CDC42BPG: variants seen among roughly 807,000 people sequenced by gnomAD.
CDC42BPG encodes the protein serine/threonine-protein kinase MRCK gamma.
Under a neutral mutation model 192.2 loss-of-function variants are expected in CDC42BPG, and 157 were observed. That is an observed-to-expected ratio of 0.82 (90% confidence interval 0.72 to 0.93). The LOEUF is 0.93. CDC42BPG is among the 40% of genes least tolerant of loss of function. The probability of loss-of-function intolerance (pLI) is 0.00; values close to 1 mark genes in which losing one functional copy is unlikely to be tolerated. For missense variants in CDC42BPG, 1,992 were observed against 2,122.1 expected (o/e 0.94, Z 1.20); for synonymous variants, 981 against 918.5 (o/e 1.07, Z -1.23).
chr11:64,839,333 C>A lies in CDC42BPG; in HGVS notation c.676-100G>T, dbSNP rs1025497032. ...TGTCACCCCTACTCTGCCAGGCTGG[C>A]CTGCTGCTGCCCACCTGGGGCCTGG... On this transcript the variant is annotated intron_variant, in intron 6 of 36. Coordinates refer to ENST00000342711, the MANE Select transcript of CDC42BPG (RefSeq NM_017525.3). 6.5e-6 allele frequency: 10 copies of A among 1,532,252 alleles called. No homozygotes were observed. In the African/African-American group the frequency reaches 6.8e-5, roughly 10 times the overall value. 94.9% of individuals were successfully genotyped at this position (1,532,252 alleles called of 1,614,324 possible). A position where few individuals can be genotyped will look rare whatever the true frequency, so the allele number is the denominator to read the frequency against.
At chr11:64,835,452 C>A (rs138968644) in intron 15 of CDC42BPG, 33 bp from the exon 16 acceptor site, 1 of 1,612,192 alleles carries the variant, frequency 6.2e-7, no homozygotes, top group Non-Finnish European at 8.5e-7. Flanking sequence ...CGTGACTCAC[C>A]GCCCAGGCCA....
chr11:64,833,372 AG>A, intron 23 of CDC42BPG, 36 bp from the exon 24 acceptor site: 1 of 1,188,662 alleles, frequency 8.4e-7, no homozygotes. Context: ...AAGGCCTCCC[AG>A]GGCCCCATGC....
At chr11:64,842,037 C>A (rs1943304696) in intron 1 of CDC42BPG, 133 bp from the exon 2 acceptor site, 5 of 696,594 alleles carry the variant, frequency 7.2e-6, no homozygotes, top group Admixed American at 2.2e-5. Flanking sequence ...AGCCTCGGGC[C>A]AAGGGGTTGT....
intron 18 of CDC42BPG, 48 bp downstream of exon 18, chr11:64,834,801 G>T (rs755982105): frequency 1.9e-6 from 3 of 1,558,086 alleles, no homozygotes; most frequent in Non-Finnish European, 2.6e-6. Context: ...CTCACGGAAG[G>T]TCAGTGACTT....
At chr11:64,838,035 G>A in intron 9 of CDC42BPG, 48 bp downstream of exon 9, 1 of 1,504,386 alleles carries the variant, frequency 6.6e-7, no homozygotes, top group Non-Finnish European at 9.0e-7. Context: ...TGTCCTCCAG[G>A]TCAGGCAACC....
Position 64,836,705 on chromosome 11 carries a change from CTGGGGGGGGG to C in CDC42BPG, c.1384+24_1384+33del, listed in dbSNP as rs1267689569. Reference sequence around the variant, plus strand: ...ACCCGAGCCCAGGTGGGACTCAGCCCTGGGGGGGGGGGGGGGGTGGGCGGAAGGGATACCT... The same window carrying C: ...ACCCGAGCCCAGGTGGGACTCAGCCCGGGGGGGTGGGCGGAAGGGATACCT... On this transcript the variant is annotated intron_variant, in intron 11 of 36. Transcript: ENST00000342711. 13 of 353,510 alleles carry C rather than the reference CTGGGGGGGGG, an allele frequency of 3.7e-5. 3 individuals carry two copies. Among genetic ancestry groups the C allele is most frequent in the East Asian group, 1.1e-4 (2 of 18,152 alleles). The allele number at this position is 353,510 out of a possible 1,614,324, so 21.9% of individuals were successfully genotyped here.
chr11:64,828,730 A>G (rs949180560), intron 30 of CDC42BPG, among the ~76,000 whole-genome samples: 3 of 151,952 alleles, frequency 2.0e-5, no homozygotes, highest in African/African-American at 7.3e-5. Flanking sequence ...CAGCCTGCGC[A>G]ATATGGCGAA....
intron 27 of CDC42BPG, among the ~76,000 whole-genome samples, chr11:64,832,213 C>G (rs1942727650): frequency 6.6e-6 from 1 of 152,208 alleles, no homozygotes; most frequent in African/African-American, 2.4e-5. Context: ...CTTGGGGCCT[C>G]AAGGGCTAGG....
Position 64,840,644 on chromosome 11 carries a change from G to A in CDC42BPG, c.341C>T (p.Ala114Val), listed in dbSNP as rs1360476699. 1 of 1,613,782 alleles carries A rather than the reference G, an allele frequency of 6.2e-7. No individual in the cohort carries two copies. The stretch of plus-strand genomic sequence containing the variant: ...CACATCCCGCTCCTCCCGGAAACAG[G>A]CTGTCTGCAGCAGGTTTGGGGAAGT... The part of the protein sequence containing the change: ...KWEMLKRAET[A>V]CFREERDVLV... The change falls in exon 4 of 37, where the codon GCC becomes GTC. Residue 114 changes from alanine to valine, a missense_variant. Around this residue, in one of 2 missense-constraint regions of CDC42BPG, gnomAD observed 1,656 missense variants for 1,844.3 expected, o/e 0.90. Coordinates refer to ENST00000342711, the MANE Select transcript of CDC42BPG (RefSeq NM_017525.3).
chr11:64,835,713 G>T (rs750198782), intron 14 of CDC42BPG, 49 bp downstream of exon 14: 20 of 1,609,796 alleles, frequency 1.2e-5, no homozygotes, highest in Non-Finnish European at 1.5e-5. Context: ...TCTGAGTGGG[G>T]TCAGGCTGGT....
In CDC42BPG at chr11:64,835,760, A is replaced by C; in HGVS notation, c.1758+2T>G. 2 of 1,613,206 alleles carry C rather than the reference A, an allele frequency of 1.2e-6. No homozygotes were observed. Among genetic ancestry groups the C allele is most frequent in the Non-Finnish European group, 1.7e-6 (2 of 1,179,854 alleles). The stretch of plus-strand genomic sequence containing the variant: ...TCTTGCCAAGGGGGAGGACTTGACT[A>C]CCTTGGCCTGGGACGACTCCTCAAG... On this transcript the variant is annotated splice_donor_variant, in intron 14 of 36. Transcript: ENST00000342711. LOFTEE classifies it high-confidence loss of function.
rs202212818 is a variant in CDC42BPG at position 64,836,827 on chromosome 11, G to A, written c.1304-8C>T. 5 of 1,609,768 alleles carry A rather than the reference G, an allele frequency of 3.1e-6. No homozygotes were observed. In the African/African-American group the frequency reaches 4.0e-5, roughly 13 times the overall value. ...TGGGGGCGTGCAGGGCCTCTGGAGG[G>A]GAGGTGGTACCCACAGGTGAGTCCA... On this transcript the variant is annotated splice_region_variant and splice_polypyrimidine_tract_variant and intron_variant, in intron 10 of 36. Coordinates refer to ENST00000342711, the MANE Select transcript of CDC42BPG (RefSeq NM_017525.3).
Position 64,824,225 on chromosome 11 carries a change from G to C in CDC42BPG, c.*248C>G. On this transcript the variant is annotated 3_prime_UTR_variant, in exon 37 of 37. Coordinates refer to ENST00000342711, the MANE Select transcript of CDC42BPG (RefSeq NM_017525.3). ...CACCCCTGGACACCAGAACAAAAGG[G>C]GCCATTCTATTCCCAATGGCTTAGA... 1.7e-6 allele frequency: 1 copy of C among 578,062 alleles called. No homozygotes were observed. Among genetic ancestry groups the C allele is most frequent in the South Asian group, 2.0e-5 (1 of 50,570 alleles). The allele number at this position is 578,062 out of a possible 1,614,324, so 35.8% of individuals were successfully genotyped here.
At chr11:64,825,730 C>A (rs145461285) in intron 36 of CDC42BPG, among the ~76,000 whole-genome samples, 10 of 152,196 alleles carry the variant, frequency 6.6e-5, no homozygotes, top group Admixed American at 5.9e-4. Flanking sequence ...GCTCCCTCCT[C>A]TGACCCCCCA....
At chr11:64,828,071 C>T (rs559362867) in intron 30 of CDC42BPG, among the ~76,000 whole-genome samples, 3 of 152,278 alleles carry the variant, frequency 2.0e-5, no homozygotes, top group Non-Finnish European at 4.4e-5. Context: ...GGAATGGAAC[C>T]CCTGGAGCCA....
At chr11:64,843,030 C>T (rs563489634) in intron 1 of CDC42BPG, among the ~76,000 whole-genome samples, 38 of 152,104 alleles carry the variant, frequency 2.5e-4, no homozygotes, top group African/African-American at 8.2e-4. Flanking sequence ...CGGGCCTCCC[C>T]GTGGGAGTTG....
rs760523744 is a variant in CDC42BPG, at chr11:64,832,585, G to C, written c.3005+19C>G. 21 of 1,613,894 alleles carry C rather than the reference G, an allele frequency of 1.3e-5. No homozygotes were observed. The Admixed American group carries it at 1.3e-4, about 10-fold the overall frequency. On this transcript the variant is annotated intron_variant, in intron 26 of 36. Transcript: ENST00000342711. ...CCTTACCACTAGTCCCTTGCCCCATGCCACTGCCCGGCACCTACCTCAGAT... is the reference window on the plus strand; with the variant it reads ...CCTTACCACTAGTCCCTTGCCCCATCCCACTGCCCGGCACCTACCTCAGAT...
chr11:64,835,701 G>A, intron 14 of CDC42BPG, 61 bp downstream of exon 14: 1 of 1,606,120 alleles, frequency 6.2e-7, no homozygotes, highest in Non-Finnish European at 8.5e-7. Context: ...TGGCCCTGAG[G>A]CTCTGAGTGG....
At chr11:64,835,017 T>TAGCC in intron 17 of CDC42BPG, 30 bp downstream of exon 17, 1 of 1,571,928 alleles carries the variant, frequency 6.4e-7, no homozygotes, top group Non-Finnish European at 8.7e-7. Context: ...TCGCCTGCGT[T>TAGCC]CCCCACCCCG....
Sources: allele counts gnomAD v4.1 joint callset (sites outside exome capture counted in the v4.1 genomes callset), GRCh38; gene constraint gnomAD v4.1.1; regional missense constraint gnomAD v4.1.1; transcripts MANE v1.5; gene names NCBI Gene and HGNC (gene_info 2026-07-23, HGNC 2026-07-21).